NBEA: variants seen among roughly 807,000 people sequenced by gnomAD.
The protein encoded by NBEA is lysosomal-trafficking regulator 2.
In NBEA, 44 loss-of-function variants were observed where a neutral mutation model predicts 343.4. The observed-to-expected ratio is 0.13, with a 90% confidence interval of 0.10 to 0.16. The LOEUF is 0.16. Ranked by LOEUF, NBEA falls within the 10% of genes least tolerant of loss-of-function variation. The pLI, the probability that NBEA is intolerant of heterozygous loss-of-function variation, is 1.00. For synonymous variants in NBEA, 1,175 were observed against 1,238.7 expected (o/e 0.95, Z 1.08); for missense variants, 2,555 against 3,631.3 (o/e 0.70, Z 7.62).
At chr13:35,549,164 A>G (rs1296921942) in intron 41 of NBEA, among the ~76,000 whole-genome samples, 4 of 152,304 alleles carry the variant, frequency 2.6e-5, no homozygotes, top group East Asian at 1.9e-4. Flanking sequence ...AAACCTTTCA[A>G]TGTCTAGAGA....
At chr13:35,001,235 A>G (rs1216263826) in intron 1 of NBEA, among the ~76,000 whole-genome samples, 1 of 152,188 alleles carries the variant, frequency 6.6e-6, no homozygotes, top group Non-Finnish European at 1.5e-5. Flanking sequence ...ATGTACATTA[A>G]TACAACCATT....
chr13:35,578,288 T>G (rs13378709), intron 45 of NBEA, among the ~76,000 whole-genome samples: 41,340 of 151,988 alleles, frequency 0.27, 6,707 homozygotes, highest in African/African-American at 0.44. Context: ...TGGTCAAGTT[T>G]ACCTGAATGT....
At chr13:35,442,964 C>A (rs955813149) in intron 39 of NBEA, among the ~76,000 whole-genome samples, 2 of 152,076 alleles carry the variant, frequency 1.3e-5, no homozygotes, top group Non-Finnish European at 2.9e-5. Flanking sequence ...TGATCCAATT[C>A]TTTTGCTTGC....
At chr13:35,477,442 G>C (rs143694890) in intron 41 of NBEA, among the ~76,000 whole-genome samples, 1 of 152,126 alleles carries the variant, frequency 6.6e-6, no homozygotes, top group South Asian at 2.1e-4. Context: ...GACTTGCCCA[G>C]CATTACAAGC....
intron 41 of NBEA, among the ~76,000 whole-genome samples, chr13:35,549,842 C>T (rs2079229100): frequency 6.6e-6 from 1 of 152,212 alleles, no homozygotes; most frequent in Admixed American, 6.5e-5. Flanking sequence ...GACCATGGGT[C>T]AGCCAAACTC....
chr13:35,262,319 C>T (rs536152555), intron 34 of NBEA, among the ~76,000 whole-genome samples: 1 of 152,280 alleles, frequency 6.6e-6, no homozygotes, highest in East Asian at 1.9e-4. Context: ...CGAGTAATCC[C>T]ATTTCTGAGT....
chr13:35,362,899 G>A (rs2040891687), intron 38 of NBEA, among the ~76,000 whole-genome samples: 1 of 151,894 alleles, frequency 6.6e-6, no homozygotes, highest in Non-Finnish European at 1.5e-5. Context: ...GTGACATAAG[G>A]TAAGCACTAA....
At position 35,470,080 on chromosome 13, in the gene NBEA, T is replaced by C. The variant is rs544480451; in HGVS notation, c.6449-2320T>C. Among the ~76,000 whole-genome samples, 5 of 152,302 alleles carry C rather than the reference T, an allele frequency of 3.3e-5. No homozygotes were observed. In the South Asian group the frequency reaches 1.0e-3, roughly 32 times the overall value. On this transcript the variant is annotated intron_variant, in intron 40 of 58. Coordinates refer to ENST00000379939, the MANE Select transcript of NBEA (RefSeq NM_001385012.1). ...AGTGCTCCTTAAACATGCTATGGAA[T>C]TGGAAGTTGTAATTGGAGATTTCCA...
chr13:35,087,663 C>T (rs1043789640), intron 10 of NBEA, among the ~76,000 whole-genome samples: 1 of 151,772 alleles, frequency 6.6e-6, no homozygotes, highest in Non-Finnish European at 1.5e-5. Context: ...TAAAAGAAGT[C>T]ATGGCATCTA....
chr13:35,239,002 G>A (rs541043176), intron 34 of NBEA, among the ~76,000 whole-genome samples: 12 of 151,880 alleles, frequency 7.9e-5, no homozygotes, highest in East Asian at 5.8e-4. Flanking sequence ...AAAACTTGCC[G>A]TATTTTTATT....
intron 41 of NBEA, among the ~76,000 whole-genome samples, chr13:35,486,281 C>G (rs922007972): frequency 6.6e-6 from 1 of 151,918 alleles, no homozygotes. Flanking sequence ...ATTACAGAAC[C>G]TATACTTACA....
At chr13:35,430,058 A>AT (rs1396296080) in intron 38 of NBEA, among the ~76,000 whole-genome samples, 1 of 152,068 alleles carries the variant, frequency 6.6e-6, no homozygotes, top group Non-Finnish European at 1.5e-5. Flanking sequence ...CATTGTGGGT[A>AT]TACCACTTTA....
chr13:35,527,329 G>A (rs1013976068), intron 41 of NBEA, among the ~76,000 whole-genome samples: 11 of 152,204 alleles, frequency 7.2e-5, no homozygotes, highest in Non-Finnish European at 1.5e-5. Flanking sequence ...GGAAGTGGCA[G>A]TCAAGCCTCC....
At chr13:35,007,117 C>T (rs1296901941) in intron 1 of NBEA, among the ~76,000 whole-genome samples, 1 of 151,828 alleles carries the variant, frequency 6.6e-6, no homozygotes, top group African/African-American at 2.4e-5. Context: ...GATGATAGAT[C>T]AGAAATGATT....
chr13:35,351,653 T>C (rs901904879), intron 37 of NBEA, among the ~76,000 whole-genome samples: 8 of 151,982 alleles, frequency 5.3e-5, no homozygotes, highest in African/African-American at 2.4e-5. Flanking sequence ...CATTAAAATA[T>C]ATGGAGTTTG....
chr13:34,956,643 A>G lies in NBEA; in HGVS notation c.294+13529A>G, dbSNP rs1011850474. On this transcript the variant is annotated intron_variant, in intron 1 of 58. Transcript: ENST00000379939. ...AGCATGTCCATCACCTCAACTATTT[A>G]TAATTTCTTTGTGATAAGAACACTC... Among the ~76,000 whole-genome samples the G allele has an allele frequency of 5.9e-5, 9 of 152,356 alleles. No homozygotes were observed. In the East Asian group the frequency reaches 1.7e-3, roughly 29 times the overall value.
Position 35,078,066 on chromosome 13 carries a change from T to A in NBEA, c.1571+7214T>A, listed in dbSNP as rs187185545. 4.6e-5 allele frequency among the ~76,000 whole-genome samples: 7 copies of A among 152,286 alleles called. No homozygotes were observed. In the East Asian group the frequency reaches 1.4e-3, roughly 29 times the overall value. Reference sequence around the variant, plus strand: ...TCTTGGAGTCTTACTACCTGCTTTATAAATAAAGGGGAAGGTTTCTGTGCG... The same window carrying A: ...TCTTGGAGTCTTACTACCTGCTTTAAAAATAAAGGGGAAGGTTTCTGTGCG... On this transcript the variant is annotated intron_variant, in intron 10 of 58. Coordinates refer to ENST00000379939, the MANE Select transcript of NBEA (RefSeq NM_001385012.1).
At chr13:35,433,842 T>C (rs1238131960) in intron 39 of NBEA, among the ~76,000 whole-genome samples, 1 of 152,086 alleles carries the variant, frequency 6.6e-6, no homozygotes, top group Non-Finnish European at 1.5e-5. Flanking sequence ...GCCTACCTAG[T>C]AGTGGCATGC....
Position 35,655,621 on chromosome 13 carries a change from C to T in NBEA, c.8234C>T (p.Thr2745Ile), listed in dbSNP as rs777040269. 13 of 1,613,880 alleles carry T rather than the reference C, an allele frequency of 8.1e-6. No individual in the cohort carries two copies. Among genetic ancestry groups the T allele is most frequent in the Admixed American group, 1.7e-5 (1 of 60,014 alleles). Residue 2745 changes from threonine (T) to isoleucine (I), a missense_variant, in exon 55 of 59, where the codon ACT becomes ATT. Physicochemically the swap from Thr to Ile is moderately conservative, Grantham distance 89. This residue lies in a region of NBEA where 186 missense variants were observed against 328.9 expected (regional missense o/e 0.57). Coordinates refer to ENST00000379939, the MANE Select transcript of NBEA (RefSeq NM_001385012.1). Reference sequence around the variant, plus strand: ...GTATTTGGCCATTGGGATGTGGTCACTTGCTTGGCCAGGTCCGAGTCATAC... The same window carrying T: ...GTATTTGGCCATTGGGATGTGGTCATTTGCTTGGCCAGGTCCGAGTCATAC... ...QIVFGHWDVV[T>I]CLARSESYIG... is the part of the protein sequence containing the mutation.
Sources: gnomAD v4.1 joint callset for allele counts (sites outside exome capture counted in the v4.1 genomes callset) on GRCh38, gnomAD v4.1.1 for gene constraint, gnomAD v4.1.1 regional missense constraint, MANE v1.5 for transcripts, NCBI Gene and HGNC (gene_info 2026-07-23, HGNC 2026-07-21) for gene names.